The following C6orf163 variants were observed in gnomAD, a reference collection of about 807,000 sequenced individuals.
The protein encoded by C6orf163 is chromosome 6 open reading frame 163.
C6orf163 carries 22 observed loss-of-function variants against 28.4 expected under a neutral mutation model. The observed-to-expected ratio is 0.78, with a 90% CI of 0.55 to 1.11. The LOEUF (loss-of-function observed/expected upper bound fraction) is 1.11, where lower values mean the gene tolerates loss of function less well. Among genes scored for constraint, C6orf163 ranks in the 50% least tolerant of loss-of-function variants. The pLI is 0.00. For missense variants in C6orf163, 342 were observed against 389.1 expected (o/e 0.88, Z 1.02); for synonymous variants, 110 against 123.6 (o/e 0.89, Z 0.73).
chr6:87,348,964 A>G (rs1777371855), intron 2 of C6orf163, 58 bp downstream of exon 2: 1 of 1,526,080 alleles, frequency 6.6e-7, no homozygotes, highest in Admixed American at 2.0e-5. Context: ...CACATTTTGG[A>G]TTTGTCTGAA....
chr6:87,364,112 C>T (rs1777614539), intron 4 of C6orf163, among the ~76,000 whole-genome samples: 1 of 151,916 alleles, frequency 6.6e-6, no homozygotes, highest in Admixed American at 6.6e-5. Context: ...GGTAAAATCC[C>T]ATCTCTACTA....
chr6:87,349,598 A>G (rs1029008547), intron 2 of C6orf163, among the ~76,000 whole-genome samples: 3 of 152,232 alleles, frequency 2.0e-5, no homozygotes, highest in African/African-American at 7.2e-5. Context: ...TTGAGAGCAG[A>G]ACCACAGTGC....
chr6:87,350,306 A>C lies in C6orf163; in HGVS notation c.244-88A>C, dbSNP rs1206967132. The C allele has an allele frequency of 2.0e-5, 16 of 803,226 alleles. No individual in the cohort carries two copies. In the East Asian group the frequency reaches 4.4e-4, roughly 22 times the overall value. The allele number at this position is 803,226 out of a possible 1,614,324, so 49.8% of individuals were successfully genotyped here. ...GTTGCTAATTTTCAGTAAACTTGAA[A>C]ACCTGATTTACCAACATCCTAAATA... On this transcript the variant is annotated intron_variant, in intron 2 of 4. Coordinates refer to ENST00000388923, the MANE Select transcript of C6orf163 (RefSeq NM_001010868.3).
intron 3 of C6orf163, 182 bp from the exon 4 acceptor site, chr6:87,356,119 G>T (rs1365777897): frequency 4.2e-5 from 24 of 568,430 alleles, no homozygotes; most frequent in Non-Finnish European, 6.5e-5. Flanking sequence ...GTACATTTTT[G>T]GTTCACCTAA....
chr6:87,357,184 A>G (rs965614878), intron 4 of C6orf163: 2 of 152,222 alleles, frequency 1.3e-5, no homozygotes, highest in Non-Finnish European at 2.9e-5. Context: ...GATCATACAT[A>G]TATATATTTT....
At chr6:87,356,941 A>G (rs1777512039) in intron 4 of C6orf163, 1 of 156,210 alleles carries the variant, frequency 6.4e-6, no homozygotes, top group Non-Finnish European at 1.4e-5. Flanking sequence ...TAGATCATAC[A>G]CTATTGTGTT....
intron 2 of C6orf163, among the ~76,000 whole-genome samples, chr6:87,349,532 A>G (rs1233202480): frequency 6.6e-6 from 1 of 152,198 alleles, no homozygotes; most frequent in African/African-American, 2.4e-5. Context: ...CTGTAGCCCT[A>G]CTTCTTCCAA....
At chr6:87,356,684 G>T in intron 4 of C6orf163, 181 bp downstream of exon 4, 1 of 581,764 alleles carries the variant, frequency 1.7e-6, no homozygotes, top group Non-Finnish European at 3.0e-6. Context: ...GTGGTTTAAA[G>T]AAAAATAATA....
intron 3 of C6orf163, among the ~76,000 whole-genome samples, chr6:87,351,348 T>G (rs1370605098): frequency 6.6e-6 from 1 of 152,196 alleles, no homozygotes; most frequent in African/African-American, 2.4e-5. Flanking sequence ...AATGAGCAGT[T>G]CAGGGACTGC....
At position 87,348,858 on chromosome 6, in the gene C6orf163, TATACTC is replaced by T; in HGVS notation, c.197_202del (p.Ile66_Leu67del). On this transcript the variant is annotated inframe_deletion, in exon 2 of 5. Transcript: ENST00000388923. ...AAAAAGAAGAGCAGTTTCAAGAAGA[TATACTC>T]AGAGAACACATTGCGAAAGCAGAAG... 2.6e-6 allele frequency: 4 copies of T among 1,537,674 alleles called. No homozygotes were observed. Among genetic ancestry groups the T allele is most frequent in the Non-Finnish European group, 3.5e-6 (4 of 1,146,972 alleles).
chr6:87,352,748 C>T (rs896123481), intron 3 of C6orf163, among the ~76,000 whole-genome samples: 2 of 152,156 alleles, frequency 1.3e-5, no homozygotes, highest in Non-Finnish European at 2.9e-5. Flanking sequence ...CTTGAGCTTT[C>T]TGGCAGCCAA....
rs2127928651 is a variant in C6orf163, at chr6:87,345,070, T to G, written c.-30T>G. The G allele has an allele frequency of 6.7e-7, 1 of 1,486,838 alleles. No individual in the cohort carries two copies. Among genetic ancestry groups the G allele is most frequent in the East Asian group, 2.5e-5 (1 of 40,624 alleles). The allele number at this position is 1,486,838 out of a possible 1,614,324, so 92.1% of individuals were successfully genotyped here. On this transcript the variant is annotated 5_prime_UTR_variant, in exon 1 of 5. Transcript: ENST00000388923. Reference sequence around the variant, plus strand: ...TCTGATTCTAAGATTATTTTAACTGTAAGTAGGAGAAGACATCTGAAATTT... The same window carrying G: ...TCTGATTCTAAGATTATTTTAACTGGAAGTAGGAGAAGACATCTGAAATTT...
intron 1 of C6orf163, among the ~76,000 whole-genome samples, chr6:87,346,049 T>TA (rs58969288): frequency 0.42 from 63,497 of 151,236 alleles, 13,860 homozygotes; most frequent in Non-Finnish European, 0.48. Flanking sequence ...TTACTGTACA[T>TA]ACGTATGTAT....
chr6:87,349,785 A>G (rs1252030960), intron 2 of C6orf163, among the ~76,000 whole-genome samples: 1 of 152,204 alleles, frequency 6.6e-6, no homozygotes, highest in Non-Finnish European at 1.5e-5. Flanking sequence ...TTATCTCAAA[A>G]TCTTTGTAGT....
At chr6:87,363,591 G>C (rs977361746) in intron 4 of C6orf163, among the ~76,000 whole-genome samples, 2 of 151,364 alleles carry the variant, frequency 1.3e-5, no homozygotes, top group Non-Finnish European at 2.9e-5. Flanking sequence ...GTGAGAATAT[G>C]CAGTGTTTGG....
chr6:87,345,742 C>T (rs1371857937), intron 1 of C6orf163, among the ~76,000 whole-genome samples: 6 of 151,586 alleles, frequency 4.0e-5, no homozygotes, highest in African/African-American at 1.5e-4. Flanking sequence ...GCCAACATGG[C>T]GAAACCCCGT....
intron 4 of C6orf163, among the ~76,000 whole-genome samples, chr6:87,359,438 A>C (rs1777550973): frequency 6.6e-6 from 1 of 152,208 alleles, no homozygotes; most frequent in African/African-American, 2.4e-5. Flanking sequence ...AACTTCTGAA[A>C]TGCCTGCAGT....
intron 4 of C6orf163, among the ~76,000 whole-genome samples, chr6:87,362,982 G>A (rs1777601316): frequency 6.6e-6 from 1 of 152,314 alleles, no homozygotes; most frequent in South Asian, 2.1e-4. Flanking sequence ...TGCCTGAGTT[G>A]TGTTGCAGAT....
chr6:87,346,041 A>T (rs528591692), intron 1 of C6orf163, among the ~76,000 whole-genome samples: 3 of 122,234 alleles, frequency 2.5e-5, no homozygotes, highest in East Asian at 4.7e-4. Context: ...GAGGACGTTT[A>T]CTGTACATAC....
Sources: gnomAD v4.1 joint callset for allele counts (sites outside exome capture counted in the v4.1 genomes callset) on GRCh38, gnomAD v4.1.1 for gene constraint, MANE v1.5 for transcripts, NCBI Gene and HGNC (gene_info 2026-07-23, HGNC 2026-07-21) for gene names.